The following ARAP3 variants were observed in gnomAD, a reference collection of about 807,000 sequenced individuals.
The protein encoded by ARAP3 is ArfGAP with RhoGAP domain, ankyrin repeat and PH domain 3, also known as arf-GAP with Rho-GAP domain, ANK repeat and PH domain-containing protein 3.
In ARAP3, 82 loss-of-function variants were observed where a neutral mutation model predicts 169.2. The ratio of observed to expected loss-of-function variants is 0.48; its 90% CI spans 0.41 to 0.58. ARAP3 has a LOEUF of 0.58. Among genes scored for constraint, ARAP3 ranks in the 20% least tolerant of loss-of-function variants. ARAP3 has a pLI of 0.00. For synonymous variants in ARAP3, 791 were observed against 800.3 expected (o/e 0.99, Z 0.20); for missense variants, 1,764 against 2,018.0 (o/e 0.87, Z 2.41).
Position 141,655,866 on chromosome 5 carries a change from C to A in ARAP3, c.3972+3G>T. 1 of 1,614,060 alleles carries A rather than the reference C, an allele frequency of 6.2e-7. No homozygotes were observed. Among genetic ancestry groups the A allele is most frequent in the Non-Finnish European group, 8.5e-7 (1 of 1,179,934 alleles). On this transcript the variant is annotated splice_donor_region_variant and intron_variant, in intron 30 of 32. Transcript: ENST00000239440. ...CAGCCCTCAGCCTTTTCTTTCCCCT[C>A]ACCTGGGCTTTAAGGATGCTGGTGG...
chr5:141,658,078 C>T (rs532624991), intron 25 of ARAP3, among the ~76,000 whole-genome samples: 46 of 152,138 alleles, frequency 3.0e-4, no homozygotes, highest in African/African-American at 1.0e-3. Context: ...AGGATTGAGC[C>T]GTGGGTCTCT....
intron 17 of ARAP3, among the ~76,000 whole-genome samples, 171 bp downstream of exon 17, chr5:141,666,253 C>T (rs2099910621): frequency 6.6e-6 from 1 of 152,048 alleles, no homozygotes; most frequent in Non-Finnish European, 1.5e-5. Flanking sequence ...GGATATACAG[C>T]TAGGAAGTGA....
Position 141,656,093 on chromosome 5 carries a change from G to T in ARAP3, c.3879C>A (p.Gly1293=). 1 of 1,614,152 alleles carries T rather than the reference G, an allele frequency of 6.2e-7. No homozygotes were observed. Among genetic ancestry groups the T allele is most frequent in the Non-Finnish European group, 8.5e-7 (1 of 1,180,030 alleles). ...GCATCTTCTCTAGTATCAATGTGAA[G>T]CCCCACCTGGGAGACAAAGAACAGT... is the stretch of plus-strand genomic sequence containing the variant. ...RKKLKPPTPW[G]FTLILEKMHL... Residue 1293 remains glycine, a synonymous_variant, in exon 29 of 33, where the codon GGC becomes GGA. Transcript: ENST00000239440.
At chr5:141,675,987 CCT>C (rs1342667961) in intron 4 of ARAP3, among the ~76,000 whole-genome samples, 4 of 152,176 alleles carry the variant, frequency 2.6e-5, no homozygotes, top group Admixed American at 6.5e-5. Context: ...CCCTCACTCT[CCT>C]CTCCCCTACA....
At chr5:141,655,546 G>A in intron 31 of ARAP3, 75 bp downstream of exon 31, 2 of 1,608,492 alleles carry the variant, frequency 1.2e-6, no homozygotes, top group East Asian at 2.2e-5. Flanking sequence ...AGGCTAGCAG[G>A]CACACCACTG....
intron 23 of ARAP3, 144 bp downstream of exon 23, chr5:141,659,264 T>C (rs1412321669): frequency 1.4e-5 from 10 of 723,504 alleles, no homozygotes; most frequent in African/African-American, 3.5e-5. Flanking sequence ...ACTTCTCTCA[T>C]TGGGTTCCCC....
chr5:141,656,104 G>A lies in ARAP3; in HGVS notation c.3873-5C>T, dbSNP rs368763410. The A allele has an allele frequency of 3.4e-5, 55 of 1,614,034 alleles. No individual in the cohort carries two copies. Among genetic ancestry groups the A allele is most frequent in the Non-Finnish European group, 4.6e-5 (54 of 1,180,040 alleles). On this transcript the variant is annotated splice_polypyrimidine_tract_variant and splice_region_variant and intron_variant, in intron 28 of 32. Transcript: ENST00000239440. ...AGTATCAATGTGAAGCCCCACCTGG[G>A]AGACAAAGAACAGTGATGGGGCAGT...
Position 141,665,043 on chromosome 5 carries a change from T to C in ARAP3, c.2679A>G (p.Ala893=). Residue 893 remains alanine, a synonymous_variant, in exon 19 of 33, where the codon GCA becomes GCG. Coordinates refer to ENST00000239440, the MANE Select transcript of ARAP3 (RefSeq NM_022481.6). ...LQGEGRLDFT[A]WNAAIGGAAG... ...CCGCGCCCCCAATGGCTGCGTTCCA[T>C]GCCGTGAAGTCCAGCCGGCCCTCTC... 1 of 1,613,896 alleles carries C rather than the reference T, an allele frequency of 6.2e-7. No individual in the cohort carries two copies. The highest frequency in any genetic ancestry group is 8.5e-7 in the Non-Finnish European group (1 of 1,179,912).
In ARAP3 at chr5:141,680,399, G is replaced by C. The variant is rs571002987; in HGVS notation, c.88C>G (p.Leu30Val). 2.5e-6 allele frequency: 4 copies of C among 1,614,028 alleles called. No homozygotes were observed. The South Asian group carries it at 4.4e-5, about 18-fold the overall frequency. Residue 30 changes from leucine (L) to valine (V), a missense_variant, in exon 2 of 33, where the codon CTG (leucine) becomes GTG (valine). Coordinates refer to ENST00000239440, the MANE Select transcript of ARAP3 (RefSeq NM_022481.6). ...CCCCGGGCTGCACCTGCTGTAGCCA[G>C]GCCATGCCGTCGGAACGTGTCTGCA... is the stretch of plus-strand genomic sequence containing the variant. ...QYADTFRRHG[L>V]ATAGAARGLG... is the part of the protein sequence containing the mutation.
At chr5:141,655,296 G>A (rs1183828874) in intron 32 of ARAP3, 66 bp downstream of exon 32, 11 of 1,531,768 alleles carry the variant, frequency 7.2e-6, no homozygotes, top group Non-Finnish European at 9.7e-6. Context: ...AGCACACCCG[G>A]GGCTCAGGCA....
Position 141,672,292 on chromosome 5 carries a change from G to A in ARAP3, c.1395C>T (p.Ala465=), listed in dbSNP as rs763255503. The change falls in exon 10 of 33, where the codon GCC becomes GCT. Residue 465 remains alanine (A), a synonymous_variant. Transcript: ENST00000239440. The surrounding 1 kb of genome is among the most constrained non-coding windows in gnomAD (Gnocchi z 4.9). ...AGCTCTGCCGAGCACCCCCAGACTC[G>A]GCTGTGAAGCTGAGGGGTGGACAGC... is the stretch of plus-strand genomic sequence containing the variant. The part of the protein sequence containing the change: ...LTPHRCFSFT[A]ESGGARQSWA... 55 of 1,613,926 alleles carry A rather than the reference G, an allele frequency of 3.4e-5. No homozygotes were observed. Among genetic ancestry groups the A allele is most frequent in the Admixed American group, 2.2e-4 (13 of 59,990 alleles).
At chr5:141,669,883 G>A in intron 15 of ARAP3, 39 bp downstream of exon 15, 1 of 1,609,354 alleles carries the variant, frequency 6.2e-7, no homozygotes, top group Non-Finnish European at 8.5e-7. Flanking sequence ...GTTGGGAAGA[G>A]AAAAGGGGGA....
Position 141,671,885 on chromosome 5 carries a change from G to A in ARAP3, c.1671+10C>T, listed in dbSNP as rs1402884268. On this transcript the variant is annotated intron_variant, in intron 11 of 32. Coordinates refer to ENST00000239440, the MANE Select transcript of ARAP3 (RefSeq NM_022481.6). The surrounding 1 kb of genome is among the most constrained non-coding windows in gnomAD (Gnocchi z 4.9). Reference sequence around the variant, plus strand: ...TACGCCTCCCACCTTCTCCCTCTTCGCCCGCTCACCTGTACTATCTCATTA... The same window carrying A: ...TACGCCTCCCACCTTCTCCCTCTTCACCCGCTCACCTGTACTATCTCATTA... 1.2e-5 allele frequency: 19 copies of A among 1,613,862 alleles called. No homozygotes were observed. Among genetic ancestry groups the A allele is most frequent in the Non-Finnish European group, 1.5e-5 (18 of 1,179,992 alleles).
intron 1 of ARAP3, among the ~76,000 whole-genome samples, chr5:141,681,276 A>G (rs945247223): frequency 1.4e-4 from 21 of 151,580 alleles, no homozygotes; most frequent in Non-Finnish European, 2.9e-4. Flanking sequence ...AGGCTTCTGG[A>G]CTCTCTGCCC....
At position 141,657,282 on chromosome 5, in the gene ARAP3, C is replaced by G. The variant is rs146096047; in HGVS notation, c.3527-436G>C. Among the ~76,000 whole-genome samples the G allele has an allele frequency of 8.4e-4, 128 of 152,264 alleles. 1 individual carries two copies. Among genetic ancestry groups the G allele is most frequent in the Non-Finnish European group, 7.1e-4 (48 of 68,012 alleles). ...AAATGCAAGAACAAAGGCTGGCAAT[C>G]AGGAAAGATGTATTTGGGGAACTAA... On this transcript the variant is annotated intron_variant, in intron 25 of 32. Transcript: ENST00000239440.
chr5:141,671,613 C>A lies in ARAP3; in HGVS notation c.1811G>T (p.Arg604Leu). The change falls in exon 12 of 33, where the codon CGG becomes CTG. Residue 604 changes from arginine to leucine, a missense_variant. By Grantham distance (102) the Arg-to-Leu change is moderately radical. This residue lies in a region of ARAP3 where 1,112 missense variants were observed against 1,285.7 expected (regional missense o/e 0.86). Transcript: ENST00000239440. This position sits in a 1 kb window ranked among gnomAD's most constrained non-coding sequence, Gnocchi z 4.9. ...ISRKYRLGLF[R>L]KPHPQYPDHS... ...ATCTGGGTACTGAGGGTGGGGCTTC[C>A]GGAAGAGACCCAGACGGTACTTTCG... 1 of 1,614,082 alleles carries A rather than the reference C, an allele frequency of 6.2e-7. No individual in the cohort carries two copies. Among genetic ancestry groups the A allele is most frequent in the Non-Finnish European group, 8.5e-7 (1 of 1,179,984 alleles).
At chr5:141,682,002 G>A (rs2099913082) in intron 1 of ARAP3, among the ~76,000 whole-genome samples, 171 bp downstream of exon 1, 1 of 151,890 alleles carries the variant, frequency 6.6e-6, no homozygotes, top group African/African-American at 2.4e-5. Context: ...GACGAGGGAG[G>A]GGGCGAGGAG....
chr5:141,669,602 T>C (rs1303477611), intron 16 of ARAP3, 107 bp downstream of exon 16: 3 of 1,060,380 alleles, frequency 2.8e-6, no homozygotes, highest in Non-Finnish European at 2.9e-6. Flanking sequence ...TCAGTCACCC[T>C]TAGCTGTTAG....
Position 141,662,251 on chromosome 5 carries a change from G to A in ARAP3, c.2805C>T (p.Leu935=), listed in dbSNP as rs776101363. ...ACISFVTQHG[L]RLEGVYRKGG... ...CTTTCCGGTATACACCTTCCAGCCG[G>A]AGCCCTGAGGAGAGCCAGCCGTCTC... Residue 935 remains leucine (L), a synonymous_variant, in exon 20 of 33, where the codon CTC becomes CTT. Transcript: ENST00000239440. 14 of 1,613,786 alleles carry A rather than the reference G, an allele frequency of 8.7e-6. No homozygotes were observed. The highest frequency in any genetic ancestry group is 1.2e-5 in the Non-Finnish European group (14 of 1,179,978).
Sources: gnomAD v4.1 joint callset for allele counts (sites outside exome capture counted in the v4.1 genomes callset) on GRCh38, gnomAD v4.1.1 for gene constraint, gnomAD v4.1.1 regional missense constraint, Gnocchi (gnomAD v3.1) non-coding constraint, MANE v1.5 for transcripts, NCBI Gene and HGNC (gene_info 2026-07-23, HGNC 2026-07-21) for gene names.